Variants in RBFOX1 observed in about 807,000 individuals in gnomAD.
RBFOX1 encodes the protein RNA binding protein fox-1 homolog 1.
Under a neutral mutation model 57.7 loss-of-function variants are expected in RBFOX1, and 8 were observed. That is an observed-to-expected ratio of 0.14 (90% CI 0.08 to 0.25). RBFOX1 has a LOEUF of 0.25. Ranked by LOEUF, RBFOX1 falls within the 10% of genes least tolerant of loss-of-function variation. RBFOX1 has a pLI of 1.00. For synonymous variants in RBFOX1, 326 were observed against 222.4 expected (o/e 1.47, Z -4.15); for missense variants, 611 against 548.5 (o/e 1.11, Z -1.14).
At chr16:7,134,161 T>C (rs1424469800) in intron 4 of RBFOX1, among the ~76,000 whole-genome samples, 2 of 151,730 alleles carry the variant, frequency 1.3e-5, no homozygotes, top group Non-Finnish European at 2.9e-5. Context: ...CAGAGAGGGG[T>C]GTAATGCATT....
At chr16:6,637,122 TTTATA>T (rs1217946486) in intron 2 of RBFOX1, among the ~76,000 whole-genome samples, 1 of 85,166 alleles carries the variant, frequency 1.2e-5, no homozygotes, top group South Asian at 3.8e-4. Flanking sequence ...AATATATAAA[TTTATA>T]TTATATATTA....
At chr16:7,052,184 T>A (rs2050311952) in intron 4 of RBFOX1, 86 bp downstream of exon 4, 1 of 1,524,960 alleles carries the variant, frequency 6.6e-7, no homozygotes. Context: ...AAGACACGGG[T>A]TCTAAATAAC....
At chr16:6,333,056 T>C (rs1195777635) in intron 2 of RBFOX1, among the ~76,000 whole-genome samples, 1 of 152,220 alleles carries the variant, frequency 6.6e-6, no homozygotes, top group Non-Finnish European at 1.5e-5. Context: ...TTTTTCTTTT[T>C]TGAGACAGCA....
At chr16:6,898,658 C>T (rs916353342) in intron 3 of RBFOX1, among the ~76,000 whole-genome samples, 2 of 152,002 alleles carry the variant, frequency 1.3e-5, no homozygotes, top group Non-Finnish European at 2.9e-5. Flanking sequence ...GATAATTCAG[C>T]TCTGAGTTTC....
chr16:7,253,779 G>A (rs769104971), intron 4 of RBFOX1, among the ~76,000 whole-genome samples: 18 of 152,104 alleles, frequency 1.2e-4, no homozygotes, highest in Non-Finnish European at 2.5e-4. Flanking sequence ...CCTTGTGACT[G>A]GGAGTTCATG....
At chr16:7,389,950 A>G (rs1034237633) in intron 4 of RBFOX1, among the ~76,000 whole-genome samples, 3 of 152,164 alleles carry the variant, frequency 2.0e-5, no homozygotes, top group African/African-American at 7.2e-5. Context: ...TAATTTATAA[A>G]GGAAAGAGGT....
chr16:7,352,173 C>G (rs2097140864), intron 4 of RBFOX1, among the ~76,000 whole-genome samples: 1 of 152,160 alleles, frequency 6.6e-6, no homozygotes, highest in African/African-American at 2.4e-5. Flanking sequence ...ACAGCCATGG[C>G]TTTGCAGCAT....
chr16:5,654,393 A>G (rs919564780), intron 3 of RBFOX1, among the ~76,000 whole-genome samples: 4 of 152,130 alleles, frequency 2.6e-5, no homozygotes, highest in African/African-American at 9.7e-5. Context: ...ATACCATGGA[A>G]ATTAGCAAAC....
chr16:6,794,134 C>T (rs1567272575), intron 3 of RBFOX1, among the ~76,000 whole-genome samples: 1 of 152,118 alleles, frequency 6.6e-6, no homozygotes, highest in Non-Finnish European at 1.5e-5. Flanking sequence ...TGTTAAATCG[C>T]TCCTATGCTG....
intron 3 of RBFOX1, among the ~76,000 whole-genome samples, chr16:6,926,193 G>T (rs552842848): frequency 6.6e-6 from 1 of 152,148 alleles, no homozygotes; most frequent in Admixed American, 6.5e-5. Flanking sequence ...TGTAATCTCA[G>T]CTAATCCAGA....
At chr16:6,656,902 A>ACTCTCCTCTCCTCCC (rs1555659626) in intron 3 of RBFOX1, among the ~76,000 whole-genome samples, 12,686 of 44,518 alleles carry the variant, frequency 0.28, 2,371 homozygotes, top group East Asian at 0.48. Context: ...CCTCCCCTCA[A>ACTCTCCTCTCCTCCC]CTCTCCTCTC....
intron 1 of RBFOX1, among the ~76,000 whole-genome samples, chr16:6,026,346 G>T (rs1255670263): frequency 6.6e-6 from 1 of 152,208 alleles, no homozygotes; most frequent in African/African-American, 2.4e-5. Flanking sequence ...CACACACTTT[G>T]AGGTTAGTGC....
chr16:6,607,471 C>G (rs2097953422), intron 2 of RBFOX1, among the ~76,000 whole-genome samples: 1 of 149,176 alleles, frequency 6.7e-6, no homozygotes, highest in Non-Finnish European at 1.5e-5. Context: ...TCTTCCTCCT[C>G]TGTCTCTCCT....
At chr16:5,989,352 C>CA (rs572113967) in intron 4 of RBFOX1, among the ~76,000 whole-genome samples, 1 of 151,664 alleles carries the variant, frequency 6.6e-6, no homozygotes, top group Non-Finnish European at 1.5e-5. Flanking sequence ...ACAAAACAAA[C>CA]AAAAAAACCC....
chr16:5,579,136 C>T (rs1200743345), intron 2 of RBFOX1, among the ~76,000 whole-genome samples: 1 of 152,104 alleles, frequency 6.6e-6, no homozygotes, highest in Non-Finnish European at 1.5e-5. Flanking sequence ...GCATGAGCCA[C>T]CACGCCTGGC....
chr16:6,873,935 T>G (rs1193312087), intron 3 of RBFOX1: 1 of 152,188 alleles, frequency 6.6e-6, no homozygotes, highest in African/African-American at 2.4e-5. Flanking sequence ...AACATTGGAA[T>G]GATACAGAGA....
chr16:6,595,408 A>G (rs985254392), intron 2 of RBFOX1, among the ~76,000 whole-genome samples: 5 of 152,234 alleles, frequency 3.3e-5, no homozygotes, highest in African/African-American at 4.8e-5. Context: ...TTTTGTAGCC[A>G]AATAATATTA....
chr16:6,313,528 G>C (rs1247247876), intron 1 of RBFOX1, among the ~76,000 whole-genome samples: 1 of 152,168 alleles, frequency 6.6e-6, no homozygotes, highest in Non-Finnish European at 1.5e-5. Flanking sequence ...CATTCTGGCT[G>C]TCCAAGGGTC....
intron 4 of RBFOX1, among the ~76,000 whole-genome samples, chr16:7,381,696 T>G (rs906594389): frequency 1.3e-5 from 2 of 152,226 alleles, no homozygotes; most frequent in African/African-American, 4.8e-5. Context: ...CGTATGGATT[T>G]GGGATTTGCA....
Sources: gnomAD v4.1 joint callset for allele counts (sites outside exome capture counted in the v4.1 genomes callset) on GRCh38, gnomAD v4.1.1 for gene constraint, MANE v1.5 for transcripts, NCBI Gene and HGNC (gene_info 2026-07-23, HGNC 2026-07-21) for gene names.